VEPH1: variants seen among roughly 807,000 people sequenced by gnomAD.
VEPH1 encodes ventricular zone-expressed PH domain-containing protein homolog 1.
Under a neutral mutation model 85.2 loss-of-function variants are expected in VEPH1, and 80 were observed. The ratio of observed to expected loss-of-function variants is 0.94; its 90% CI spans 0.78 to 1.13. The LOEUF is 1.13. VEPH1 is among the 50% of genes most tolerant of loss of function. VEPH1 has a pLI of 0.00. For missense variants in VEPH1, 955 were observed against 980.5 expected, an observed-to-expected ratio of 0.97 and a Z score of 0.35; for synonymous variants, 297 against 348.0, an observed-to-expected ratio of 0.85 and a Z score of 1.63.
intron 4 of VEPH1, chr3:157,443,515 T>C (rs1197945189): frequency 6.5e-6 from 1 of 152,852 alleles, no homozygotes; most frequent in Non-Finnish European, 1.5e-5. Context: ...TAAGTTATAT[T>C]GCAAAAGGGA....
At chr3:157,318,998 G>A (rs12486955) in intron 9 of VEPH1, among the ~76,000 whole-genome samples, 71,724 of 151,970 alleles carry the variant, frequency 0.47, 18,611 homozygotes, top group Admixed American at 0.61. Context: ...AGGAAGACTT[G>A]TCTGTGCTCT....
chr3:157,460,492 A>G lies in VEPH1; in HGVS notation c.355-137T>C. On this transcript the variant is annotated intron_variant, in intron 3 of 13. Coordinates refer to ENST00000362010, the MANE Select transcript of VEPH1 (RefSeq NM_001167912.2). ...AAAACACAGGCCTTGCCCTGTTTAT[A>G]TTGTATTTGGGAATTCTGGGAACTC... The G allele has an allele frequency of 1.6e-5, 19 of 1,170,898 alleles. No individual in the cohort carries two copies. In the South Asian group the frequency reaches 2.6e-4, roughly 16 times the overall value. 72.5% of individuals were successfully genotyped at this position (1,170,898 alleles called of 1,614,324 possible).
chr3:157,426,737 G>C (rs1367405414), intron 5 of VEPH1, among the ~76,000 whole-genome samples: 1 of 151,340 alleles, frequency 6.6e-6, no homozygotes, highest in Non-Finnish European at 1.5e-5. Context: ...CAGATTCCTA[G>C]AACTGCATGA....
At chr3:157,340,662 C>T (rs1444764297) in intron 9 of VEPH1, among the ~76,000 whole-genome samples, 1 of 152,194 alleles carries the variant, frequency 6.6e-6, no homozygotes, top group Non-Finnish European at 1.5e-5. Context: ...TGTCTGACAG[C>T]TTTGAAGAGA....
intron 9 of VEPH1, among the ~76,000 whole-genome samples, chr3:157,360,325 A>G (rs1449116942): frequency 3.3e-5 from 5 of 152,212 alleles, no homozygotes; most frequent in Non-Finnish European, 7.3e-5. Context: ...GGAATTGCCC[A>G]GGAAATTCCG....
chr3:157,383,342 T>TA (rs1728966899), intron 6 of VEPH1, among the ~76,000 whole-genome samples: 1 of 152,226 alleles, frequency 6.6e-6, no homozygotes, highest in South Asian at 2.1e-4. Flanking sequence ...TCAAGTCTTC[T>TA]AAAGGAGCTA....
At chr3:157,458,521 T>C (rs1221814830) in intron 4 of VEPH1, among the ~76,000 whole-genome samples, 2 of 152,222 alleles carry the variant, frequency 1.3e-5, no homozygotes, top group East Asian at 1.9e-4. Flanking sequence ...TTCTGGATAT[T>C]AGACCTTTTT....
chr3:157,451,615 A>G (rs1162267560), intron 4 of VEPH1, among the ~76,000 whole-genome samples: 1 of 152,226 alleles, frequency 6.6e-6, no homozygotes, highest in Admixed American at 6.5e-5. Flanking sequence ...CATAAGCATA[A>G]AAGAGCATTT....
intron 4 of VEPH1, chr3:157,442,341 T>G: frequency 2.6e-6 from 4 of 1,526,276 alleles, no homozygotes; most frequent in Non-Finnish European, 3.6e-6. Context: ...TCTTTAATAT[T>G]CTTCTTATTT....
intron 12 of VEPH1, among the ~76,000 whole-genome samples, chr3:157,269,642 G>GTTTTTTTTTTTTTTTTTTTTTTTTT (rs11408861): frequency 8.0e-4 from 92 of 115,398 alleles, no homozygotes; most frequent in Non-Finnish European, 9.8e-4. Context: ...TGTTTTTGTT[G>GTTTTTTTTTTTTTTTTTTTTTTTTT]TTTTTTTTTT....
intron 4 of VEPH1, among the ~76,000 whole-genome samples, chr3:157,432,532 T>C (rs1733250861): frequency 6.6e-6 from 1 of 152,130 alleles, no homozygotes; most frequent in South Asian, 2.1e-4. Flanking sequence ...ATACAAATAA[T>C]TTTTTCTATT....
At chr3:157,494,344 G>A (rs1039485590) in intron 2 of VEPH1, among the ~76,000 whole-genome samples, 1 of 152,190 alleles carries the variant, frequency 6.6e-6, no homozygotes, top group Admixed American at 6.5e-5. Flanking sequence ...TGTGCCAAGT[G>A]TTGGCTAACA....
At position 157,397,866 on chromosome 3, in the gene VEPH1, G is replaced by C. The variant is rs557076460; in HGVS notation, c.906+16015C>G. Reference sequence around the variant, plus strand: ...AGCAGAGCGCACAACCACATGCATTGCTTGAAGTTCTCCCCACTGGGAAGA... The same window carrying C: ...AGCAGAGCGCACAACCACATGCATTCCTTGAAGTTCTCCCCACTGGGAAGA... On this transcript the variant is annotated intron_variant, in intron 6 of 13. Coordinates refer to ENST00000362010, the MANE Select transcript of VEPH1 (RefSeq NM_001167912.2). 7.8e-3 allele frequency among the ~76,000 whole-genome samples: 1,192 copies of C among 152,294 alleles called. 11 individuals are homozygous for C. Among genetic ancestry groups the C allele is most frequent in the Non-Finnish European group, 0.012 (831 of 68,028 alleles).
rs563428364 is a variant in VEPH1, at chr3:157,431,627, GA to G, written c.530-3140del. ...CACAGGTTCCGGGGATTAGAACATG[GA>G]CATCTTTGGGGGACCAGTATTCTGC... On this transcript the variant is annotated intron_variant, in intron 4 of 13. Transcript: ENST00000362010. Among the ~76,000 whole-genome samples, 565 of 151,872 alleles carry G rather than the reference GA, an allele frequency of 3.7e-3. 1 individual carries two copies. The highest frequency in any genetic ancestry group is 0.013 in the African/African-American group (535 of 41,418).
chr3:157,479,170 G>A (rs2109564770), intron 2 of VEPH1, among the ~76,000 whole-genome samples: 1 of 152,272 alleles, frequency 6.6e-6, no homozygotes, highest in South Asian at 2.1e-4. Context: ...ATGTGTATGT[G>A]TTTATGTTTG....
At chr3:157,458,990 T>C (rs568718769) in intron 4 of VEPH1, among the ~76,000 whole-genome samples, 1 of 152,336 alleles carries the variant, frequency 6.6e-6, no homozygotes, top group Non-Finnish European at 1.5e-5. Context: ...ACCATCTATG[T>C]TACTGCAAAC....
At chr3:157,502,257 G>A (rs549131060) in intron 1 of VEPH1, among the ~76,000 whole-genome samples, 1 of 152,248 alleles carries the variant, frequency 6.6e-6, no homozygotes, top group South Asian at 2.1e-4. Flanking sequence ...TAGATTTGGT[G>A]ACCTATTTAG....
intron 6 of VEPH1, among the ~76,000 whole-genome samples, chr3:157,400,008 C>A (rs893935599): frequency 1.3e-5 from 2 of 151,372 alleles, no homozygotes; most frequent in African/African-American, 4.9e-5. Context: ...ATTTTTCTAC[C>A]CATTGATTAT....
rs146981000 is a variant in VEPH1 at position 157,494,018 on chromosome 3, G to T, written c.138+1194C>A. Among the ~76,000 whole-genome samples, 3 of 152,270 alleles carry T rather than the reference G, an allele frequency of 2.0e-5. No homozygotes were observed. In the East Asian group the frequency reaches 5.8e-4, roughly 29 times the overall value. On this transcript the variant is annotated intron_variant, in intron 2 of 13. Coordinates refer to ENST00000362010, the MANE Select transcript of VEPH1 (RefSeq NM_001167912.2). ...TGAAAATGTACCAGGAACATGTTGT[G>T]CTTTGCGTCAACCTAAGTTGATTAA...
Sources: allele counts gnomAD v4.1 joint callset (sites outside exome capture counted in the v4.1 genomes callset), GRCh38; gene constraint gnomAD v4.1.1; transcripts MANE v1.5; gene names NCBI Gene and HGNC (gene_info 2026-07-23, HGNC 2026-07-21).